Variants in MCF2L observed in about 807,000 individuals in gnomAD.
MCF2L encodes the protein guanine nucleotide exchange factor DBS.
MCF2L carries 97 observed loss-of-function variants against 153.4 expected under a neutral mutation model. The ratio of observed to expected loss-of-function variants is 0.63; its 90% CI spans 0.54 to 0.75. MCF2L has a LOEUF of 0.75. MCF2L is among the 30% of genes least tolerant of loss of function. MCF2L has a pLI of 0.00. For synonymous variants in MCF2L, 659 were observed against 632.2 expected (o/e 1.04, Z -0.64); for missense variants, 1,347 against 1,495.2 (o/e 0.90, Z 1.64).
rs187034902 is a variant in MCF2L, at chr13:113,016,746, G to T, written c.163+1900G>T. Among the ~76,000 whole-genome samples, 342 of 152,218 alleles carry T rather than the reference G, an allele frequency of 2.2e-3. 3 individuals carry two copies. Among genetic ancestry groups the T allele is most frequent in the African/African-American group, 7.3e-3 (303 of 41,530 alleles). ...CCTCTCCATGCAGCGAATTTCTTCC[G>T]CGGGGCTTGTGGCTGGCCCGGCCCC... On this transcript the variant is annotated intron_variant, in intron 2 of 29. Coordinates refer to ENST00000535094, the MANE Select transcript of MCF2L (RefSeq NM_001112732.3).
At chr13:113,085,341 C>T (rs571104700) in intron 20 of MCF2L, among the ~76,000 whole-genome samples, 163 bp downstream of exon 20, 2 of 152,310 alleles carry the variant, frequency 1.3e-5, no homozygotes, top group African/African-American at 2.4e-5. Flanking sequence ...TCCTACTGTG[C>T]GCCACTGTTA....
At chr13:113,007,469 A>T (rs1436264642) in intron 1 of MCF2L, among the ~76,000 whole-genome samples, 1 of 152,222 alleles carries the variant, frequency 6.6e-6, no homozygotes, top group Non-Finnish European at 1.5e-5. Flanking sequence ...GGCCGTGGCC[A>T]CCGTGAGGCG....
chr13:112,980,032 G>A (rs1266308323), intron 1 of MCF2L, among the ~76,000 whole-genome samples: 2 of 152,208 alleles, frequency 1.3e-5, no homozygotes, highest in East Asian at 1.9e-4. Flanking sequence ...TTGGAAAGAC[G>A]AGTGGACTCA....
intron 1 of MCF2L, among the ~76,000 whole-genome samples, chr13:113,007,388 C>A (rs2083775455): frequency 6.6e-6 from 1 of 152,232 alleles, no homozygotes; most frequent in African/African-American, 2.4e-5. Context: ...TAACCCCTGA[C>A]CCCAGCGTCC....
chr13:113,089,500 G>A, intron 25 of MCF2L, 110 bp from the exon 26 acceptor site: 1 of 742,102 alleles, frequency 1.3e-6, no homozygotes, highest in East Asian at 2.4e-5. Context: ...TGCTGCTTTA[G>A]GATCAGGCCG....
chr13:112,895,672 CA>C (rs1489952882), intron 1 of MCF2L, among the ~76,000 whole-genome samples: 3 of 152,148 alleles, frequency 2.0e-5, no homozygotes, highest in South Asian at 4.1e-4. Flanking sequence ...CCCTCAGTCC[CA>C]GGGGGGCAGT....
At chr13:112,917,841 G>A (rs1417734658) in intron 2 of MCF2L, among the ~76,000 whole-genome samples, 2 of 152,180 alleles carry the variant, frequency 1.3e-5, no homozygotes. Flanking sequence ...TTACAAGAAA[G>A]CTGGCTTCTA....
At chr13:113,072,625 G>C (rs1373086308) in intron 9 of MCF2L, among the ~76,000 whole-genome samples, 1 of 152,176 alleles carries the variant, frequency 6.6e-6, no homozygotes, top group Non-Finnish European at 1.5e-5. Context: ...TGCTTTTCAA[G>C]GCAATGTGTA....
chr13:113,051,165 G>T (rs770070490), intron 4 of MCF2L, among the ~76,000 whole-genome samples: 1 of 152,202 alleles, frequency 6.6e-6, no homozygotes. Flanking sequence ...TGTCTCCTCC[G>T]CACCAGCTGC....
chr13:113,082,354 G>A, intron 16 of MCF2L, 73 bp from the exon 17 acceptor site: 3 of 856,254 alleles, frequency 3.5e-6, no homozygotes, highest in East Asian at 2.5e-5. Context: ...AGATGAGCCG[G>A]CATCCCTGGC....
At chr13:113,044,652 G>C in intron 3 of MCF2L, 1 of 1,610,932 alleles carries the variant, frequency 6.2e-7, no homozygotes, top group Non-Finnish European at 8.5e-7. Flanking sequence ...CTGTGACTCA[G>C]GCTTCTACTA....
intron 26 of MCF2L, among the ~76,000 whole-genome samples, chr13:113,091,457 G>C (rs896251317): frequency 6.6e-6 from 1 of 152,222 alleles, no homozygotes; most frequent in Non-Finnish European, 1.5e-5. Flanking sequence ...TGCTGGCCAC[G>C]GCTGCTGCGC....
intron 22 of MCF2L, 116 bp downstream of exon 22, chr13:113,087,572 G>T (rs1454371819): frequency 1.8e-6 from 2 of 1,106,872 alleles, no homozygotes; most frequent in Non-Finnish European, 1.3e-6. Flanking sequence ...TTAGGTGTAG[G>T]GGTGGGGTAT....
chr13:112,939,174 C>T (rs1015043422), intron 2 of MCF2L, among the ~76,000 whole-genome samples: 12 of 152,152 alleles, frequency 7.9e-5, no homozygotes, highest in Non-Finnish European at 1.6e-4. Flanking sequence ...CTTCACAGAA[C>T]GACACATAAA....
rs2086798331 is a variant in MCF2L, at chr13:113,046,148, A to T, written c.369+787A>T. 6.1e-6 allele frequency: 1 copy of T among 163,418 alleles called. No homozygotes were observed. Among genetic ancestry groups the T allele is most frequent in the African/African-American group, 2.4e-5 (1 of 41,470 alleles). 10.1% of individuals were successfully genotyped at this position (163,418 alleles called of 1,614,324 possible). ...AAGTCAGCAGAAGCCCCCAAATCTTATTTTTGTCGGTAGCTCCCACCCGTA... is the reference window on the plus strand; with the variant it reads ...AAGTCAGCAGAAGCCCCCAAATCTTTTTTTTGTCGGTAGCTCCCACCCGTA... On this transcript the variant is annotated intron_variant, in intron 4 of 29. Coordinates refer to ENST00000535094, the MANE Select transcript of MCF2L (RefSeq NM_001112732.3). The surrounding 1 kb of genome is among the most constrained non-coding windows in gnomAD (Gnocchi z 4.4).
At chr13:112,923,530 C>A (rs2081374642) in intron 2 of MCF2L, among the ~76,000 whole-genome samples, 1 of 152,116 alleles carries the variant, frequency 6.6e-6, no homozygotes. Context: ...TCCCAAAGTG[C>A]TGGGATTACA....
chr13:113,070,065 G>T lies in MCF2L; in HGVS notation c.888G>T (p.Leu296=). Residue 296 remains leucine (L), a synonymous_variant, in exon 9 of 30, where the codon CTG becomes CTT. Transcript: ENST00000535094. The surrounding 1 kb of genome is among the most constrained non-coding windows in gnomAD (Gnocchi z 5.6). Reference sequence around the variant, plus strand: ...AACTCCTCCTCTTTCCCAGGCTCCTGGCCCAGCTGAACGAAACCGAGGCTG... The same window carrying T: ...AACTCCTCCTCTTTCCCAGGCTCCTTGCCCAGCTGAACGAAACCGAGGCTG... ...LDNQATVQRL[L]AQLNETEAAF... is the part of the protein sequence containing the mutation. 1 of 1,608,666 alleles carries T rather than the reference G, an allele frequency of 6.2e-7. No homozygotes were observed. The highest frequency in any genetic ancestry group is 8.5e-7 in the Non-Finnish European group (1 of 1,177,826).
intron 4 of MCF2L, 76 bp from the exon 5 acceptor site, chr13:113,060,517 C>T (rs562127068): frequency 5.1e-4 from 794 of 1,565,160 alleles, no homozygotes; most frequent in Non-Finnish European, 6.4e-4. Context: ...GTCAGCCCAG[C>T]GTGCAGGCAC....
chr13:113,030,453 C>T (rs563759962), intron 3 of MCF2L, among the ~76,000 whole-genome samples: 194 of 134,570 alleles, frequency 1.4e-3, no homozygotes, highest in Non-Finnish European at 2.4e-3. Flanking sequence ...CTCAGGTGTC[C>T]GCTGACGCAG....
Sources: allele counts gnomAD v4.1 joint callset (sites outside exome capture counted in the v4.1 genomes callset), GRCh38; gene constraint gnomAD v4.1.1; non-coding constraint Gnocchi (gnomAD v3.1); transcripts MANE v1.5; gene names NCBI Gene and HGNC (gene_info 2026-07-23, HGNC 2026-07-21).